Variants in DIAPH3 observed in about 807,000 individuals in gnomAD.
The protein encoded by DIAPH3 is protein diaphanous homolog 3.
A neutral mutation model predicts 144.3 loss-of-function variants in DIAPH3; 117 were observed. The observed-to-expected ratio is 0.81, with a 90% confidence interval of 0.70 to 0.95. The LOEUF (loss-of-function observed/expected upper bound fraction) is 0.95. Ranked by LOEUF, DIAPH3 falls within the 40% of genes least tolerant of loss-of-function variation. DIAPH3 has a pLI of 0.00. For synonymous variants in DIAPH3, 519 were observed against 488.9 expected (o/e 1.06, Z -0.81); for missense variants, 1,421 against 1,412.7 (o/e 1.01, Z -0.09).
chr13:59,782,540 T>C (rs1410676590), intron 25 of DIAPH3, among the ~76,000 whole-genome samples: 4 of 152,042 alleles, frequency 2.6e-5, no homozygotes, highest in African/African-American at 9.7e-5. Flanking sequence ...TTTGTAGACA[T>C]TGATAAATAC....
intron 24 of DIAPH3, among the ~76,000 whole-genome samples, chr13:59,820,400 A>C (rs1444785320): frequency 6.6e-6 from 1 of 151,978 alleles, no homozygotes; most frequent in African/African-American, 2.4e-5. Context: ...GATTTAATTT[A>C]CATATATATG....
At position 60,112,153 on chromosome 13, in the gene DIAPH3, T is replaced by C; in HGVS notation, c.247A>G (p.Ser83Gly). The C allele has an allele frequency of 6.2e-7, 1 of 1,614,098 alleles. No individual in the cohort carries two copies. Among genetic ancestry groups the C allele is most frequent in the Non-Finnish European group, 8.5e-7 (1 of 1,180,014 alleles). Residue 83 changes from serine (S) to glycine (G), a missense_variant, in exon 3 of 28, where the codon AGC (serine) becomes GGC (glycine). Physicochemically the swap from Ser to Gly is moderately conservative, Grantham distance 56. Transcript: ENST00000400324. ...GGAAGTGGAGGTCTCTCTTTCTTGC[T>C]CCCTGGAATTCTTATGCTGGCAAAT... is the stretch of plus-strand genomic sequence containing the variant. Reference protein sequence around the residue: ...DKFASIRIPGSKKERPPLPNL... With the variant: ...DKFASIRIPGGKKERPPLPNL...
intron 9 of DIAPH3, among the ~76,000 whole-genome samples, chr13:60,001,459 G>T (rs901942713): frequency 1.3e-5 from 2 of 152,180 alleles, no homozygotes; most frequent in African/African-American, 4.8e-5. Context: ...TCTTCAGACA[G>T]TCCCTCCAAA....
At chr13:60,084,063 A>AGATAGAT (rs2057670765) in intron 4 of DIAPH3, among the ~76,000 whole-genome samples, 4 of 149,368 alleles carry the variant, frequency 2.7e-5, no homozygotes, top group African/African-American at 9.9e-5. Flanking sequence ...GATAGATAGA[A>AGATAGAT]AGAATAAACT....
chr13:59,975,513 G>A lies in DIAPH3; in HGVS notation c.1546-1057C>T, dbSNP rs934029306. ...AATTAACGTTTAGATAATGCTTTAC[G>A]GTTTTACTTAACAGACTATTTTTTG... On this transcript the variant is annotated intron_variant, in intron 14 of 27. Coordinates refer to ENST00000400324, the MANE Select transcript of DIAPH3 (RefSeq NM_001042517.2). Among the ~76,000 whole-genome samples, 13 of 151,802 alleles carry A rather than the reference G, an allele frequency of 8.6e-5. No individual in the cohort carries two copies. The East Asian group carries it at 2.1e-3, about 25-fold the overall frequency.
chr13:60,034,295 GAA>G (rs1186843613), intron 5 of DIAPH3, among the ~76,000 whole-genome samples: 4 of 152,102 alleles, frequency 2.6e-5, no homozygotes, highest in African/African-American at 9.7e-5. Flanking sequence ...TAAAAAGAAA[GAA>G]AGTTTATTAT....
At chr13:59,924,725 T>C (rs1418679110) in intron 18 of DIAPH3, 50 bp downstream of exon 18, 1 of 1,573,560 alleles carries the variant, frequency 6.4e-7, no homozygotes, top group Non-Finnish European at 8.6e-7. Context: ...TGAAATCATT[T>C]AAAGAAATAT....
At chr13:59,848,020 T>A (rs1288145684) in intron 22 of DIAPH3, among the ~76,000 whole-genome samples, 1 of 152,182 alleles carries the variant, frequency 6.6e-6, no homozygotes, top group East Asian at 1.9e-4. Flanking sequence ...GCCGCACACA[T>A]CTAACCATAG....
chr13:59,965,890 T>C (rs766732854), intron 17 of DIAPH3, among the ~76,000 whole-genome samples: 16 of 152,054 alleles, frequency 1.1e-4, no homozygotes, highest in Non-Finnish European at 1.5e-4. Context: ...TAAATAGTTA[T>C]TGAGTGGAAC....
intron 27 of DIAPH3, among the ~76,000 whole-genome samples, chr13:59,709,214 T>C (rs1000967942): frequency 6.6e-5 from 10 of 152,172 alleles, no homozygotes; most frequent in Non-Finnish European, 1.0e-4. Context: ...TTTACTTTTA[T>C]TAAGTTGGTC....
chr13:59,810,774 T>G lies in DIAPH3; in HGVS notation c.3163+14A>C, dbSNP rs778767700. 6.2e-7 allele frequency: 1 copy of G among 1,611,948 alleles called. No individual in the cohort carries two copies. Among genetic ancestry groups the G allele is most frequent in the Non-Finnish European group, 8.5e-7 (1 of 1,179,410 alleles). ...AGTATACATAGAATAAATAACAAAT[T>G]TGATAGTACTCACCAGTCTTCATTT... On this transcript the variant is annotated intron_variant, in intron 25 of 27. Coordinates refer to ENST00000400324, the MANE Select transcript of DIAPH3 (RefSeq NM_001042517.2).
At chr13:59,672,590 A>G (rs1241447637) in intron 27 of DIAPH3, among the ~76,000 whole-genome samples, 55 of 152,354 alleles carry the variant, frequency 3.6e-4, no homozygotes, top group Non-Finnish European at 8.8e-5. Context: ...TCTACATGAT[A>G]GTAAAGTGTG....
intron 27 of DIAPH3, among the ~76,000 whole-genome samples, chr13:59,729,020 T>A (rs760978782): frequency 6.6e-6 from 1 of 151,870 alleles, no homozygotes; most frequent in Non-Finnish European, 1.5e-5. Context: ...ACTTCACTAA[T>A]CACAATGAGA....
chr13:59,770,862 C>A (rs2038082948), intron 27 of DIAPH3, among the ~76,000 whole-genome samples: 1 of 152,128 alleles, frequency 6.6e-6, no homozygotes, highest in Non-Finnish European at 1.5e-5. Context: ...AAGTGCCTAG[C>A]AACAGCTTAA....
At chr13:60,145,762 T>C (rs1357590517) in intron 1 of DIAPH3, among the ~76,000 whole-genome samples, 1 of 152,054 alleles carries the variant, frequency 6.6e-6, no homozygotes, top group African/African-American at 2.4e-5. Context: ...TTTTTTTTTT[T>C]AAGTTGCTCT....
chr13:59,928,048 C>T (rs907417245), intron 17 of DIAPH3, among the ~76,000 whole-genome samples: 1 of 152,130 alleles, frequency 6.6e-6, no homozygotes, highest in Admixed American at 6.6e-5. Flanking sequence ...TTTTATCCCA[C>T]ATGTCACGCA....
chr13:59,670,804 C>T (rs1367044954), intron 27 of DIAPH3, among the ~76,000 whole-genome samples: 4 of 152,028 alleles, frequency 2.6e-5, no homozygotes, highest in African/African-American at 9.7e-5. Flanking sequence ...AGGATGGTCT[C>T]GATCTCCTGA....
intron 3 of DIAPH3, among the ~76,000 whole-genome samples, chr13:60,109,288 G>C (rs2058502678): frequency 6.6e-6 from 1 of 152,174 alleles, no homozygotes; most frequent in African/African-American, 2.4e-5. Flanking sequence ...CTCACTTACA[G>C]AACTATAATA....
intron 27 of DIAPH3, among the ~76,000 whole-genome samples, chr13:59,699,881 G>A (rs1012153900): frequency 2.0e-5 from 3 of 152,114 alleles, no homozygotes; most frequent in African/African-American, 2.4e-5. Flanking sequence ...CTCTCCCTTG[G>A]TCAACCTTAA....
Sources: allele counts gnomAD v4.1 joint callset (sites outside exome capture counted in the v4.1 genomes callset), GRCh38; gene constraint gnomAD v4.1.1; transcripts MANE v1.5; gene names NCBI Gene and HGNC (gene_info 2026-07-23, HGNC 2026-07-21).